Variants in NHSL1 observed in about 807,000 individuals in gnomAD.
NHSL1 encodes the protein NHS-like protein 1.
In NHSL1, 48 loss-of-function variants were observed where a neutral mutation model predicts 95.0. The observed-to-expected ratio is 0.51, with a 90% CI of 0.40 to 0.64. The LOEUF (loss-of-function observed/expected upper bound fraction) is 0.64, where lower values mean the gene tolerates loss of function less well. Among genes scored for constraint, NHSL1 ranks in the 30% least tolerant of loss-of-function variants. The pLI, the probability that NHSL1 is intolerant of heterozygous loss-of-function variation, is 0.00. For missense variants in NHSL1, 1,971 were observed against 2,077.7 expected, an observed-to-expected ratio of 0.95 and a Z score of 1.00; for synonymous variants, 783 against 833.9, an observed-to-expected ratio of 0.94 and a Z score of 1.05.
At chr6:138,575,126 C>T (rs920662013), upstream of NHSL1, among the ~76,000 whole-genome samples, 5 of 152,040 alleles carry the variant, frequency 3.3e-5, no homozygotes, top group Non-Finnish European at 7.4e-5. Flanking sequence ...CTCGAACTCC[C>T]AACCTCAGGT....
At chr6:138,597,458 C>A (rs1784317058) in intron 1 of NHSL1, among the ~76,000 whole-genome samples, 1 of 152,150 alleles carries the variant, frequency 6.6e-6, no homozygotes, top group Non-Finnish European at 1.5e-5. Context: ...GAACTTTAGT[C>A]CAAAATTCAA....
At chr6:138,661,604 G>T (rs1187370582) in intron 1 of NHSL1, among the ~76,000 whole-genome samples, 1 of 151,640 alleles carries the variant, frequency 6.6e-6, no homozygotes, top group African/African-American at 2.4e-5. Flanking sequence ...CAAGGCTGCA[G>T]TAAGCCATGA....
rs181097345 is a variant in NHSL1, at chr6:138,638,684, T to A, written c.96+53792A>T. The stretch of plus-strand genomic sequence containing the variant: ...CTGACCTGAGAAAATGAAACTTGGG[T>A]ACACTATTCCTGGGTACATTTGCAT... On this transcript the variant is annotated intron_variant, in intron 1 of 3. Transcript: ENST00000491526. Among the ~76,000 whole-genome samples the A allele has an allele frequency of 2.0e-5, 3 of 152,260 alleles. No homozygotes were observed. In the East Asian group the frequency reaches 5.8e-4, roughly 29 times the overall value.
At chr6:138,567,255 G>T (rs547734702) in intron 1 of NHSL1, among the ~76,000 whole-genome samples, 1 of 152,122 alleles carries the variant, frequency 6.6e-6, no homozygotes, top group Non-Finnish European at 1.5e-5. Context: ...AGCCTCCTGA[G>T]TAGCTGGAAC....
intron 1 of NHSL1, among the ~76,000 whole-genome samples, chr6:138,615,343 T>G (rs934538944): frequency 6.6e-6 from 1 of 152,256 alleles, no homozygotes; most frequent in African/African-American, 2.4e-5. Context: ...GAAATTATGA[T>G]TCTATTCATA....
intron 1 of NHSL1, among the ~76,000 whole-genome samples, chr6:138,562,999 C>T (rs1783471080): frequency 6.6e-6 from 1 of 152,192 alleles, no homozygotes; most frequent in African/African-American, 2.4e-5. Context: ...AGTATTTGCC[C>T]TTAAACCAAA....
chr6:138,558,208 C>T (rs111550122), intron 1 of NHSL1, among the ~76,000 whole-genome samples: 3,828 of 151,614 alleles, frequency 0.025, 148 homozygotes, highest in African/African-American at 0.087. Context: ...CTGCAACCTC[C>T]GCCTCCTGGA....
At chr6:138,455,330 G>A (rs1777511386) in intron 3 of NHSL1, among the ~76,000 whole-genome samples, 1 of 152,150 alleles carries the variant, frequency 6.6e-6, no homozygotes, top group Non-Finnish European at 1.5e-5. Flanking sequence ...AAAAAATTGA[G>A]TGAAGCATAC....
At chr6:138,687,586 T>C (rs1056243745) in intron 1 of NHSL1, among the ~76,000 whole-genome samples, 1 of 152,210 alleles carries the variant, frequency 6.6e-6, no homozygotes, top group Non-Finnish European at 1.5e-5. Context: ...AAGTAATAAG[T>C]GTGTATAATA....
intron 1 of NHSL1, among the ~76,000 whole-genome samples, chr6:138,625,497 T>C (rs933555604): frequency 4.6e-5 from 7 of 152,090 alleles, no homozygotes; most frequent in African/African-American, 1.7e-4. Flanking sequence ...GTCTAGAACT[T>C]ATCACCACTC....
chr6:138,458,853 A>AC (rs1554227405), intron 3 of NHSL1, among the ~76,000 whole-genome samples: 6 of 150,500 alleles, frequency 4.0e-5, no homozygotes, highest in African/African-American at 1.2e-4. Context: ...AAAAAAAAAA[A>AC]CCCAGAAAAA....
intron 1 of NHSL1, among the ~76,000 whole-genome samples, chr6:138,565,024 C>T (rs1217279891): frequency 6.6e-6 from 1 of 152,152 alleles, no homozygotes; most frequent in African/African-American, 2.4e-5. Flanking sequence ...CGTAAAGTTT[C>T]ACGCCATGTA....
chr6:138,436,853 G>A (rs928568641), intron 5 of NHSL1, among the ~76,000 whole-genome samples: 1 of 152,178 alleles, frequency 6.6e-6, no homozygotes, highest in East Asian at 1.9e-4. Context: ...GAGTCTGCCT[G>A]TGCTCTGTAA....
intron 5 of NHSL1, among the ~76,000 whole-genome samples, chr6:138,437,704 T>G (rs533329489): frequency 6.6e-6 from 1 of 152,262 alleles, no homozygotes; most frequent in African/African-American, 2.4e-5. Flanking sequence ...AGAACAATTT[T>G]AATTCATGGG....
chr6:138,424,330 G>A lies in NHSL1; in HGVS notation c.4572C>T (p.Val1524=), dbSNP rs1388097635. The A allele has an allele frequency of 6.5e-7, 1 of 1,535,172 alleles. No homozygotes were observed. Among genetic ancestry groups the A allele is most frequent in the Non-Finnish European group, 8.8e-7 (1 of 1,137,296 alleles). Residue 1524 remains valine (V), a synonymous_variant, in exon 8 of 8, where the codon GTC becomes GTT. Coordinates refer to ENST00000343505, the MANE Select transcript of NHSL1 (RefSeq NM_001144060.2). The surrounding 1 kb of genome is among the most constrained non-coding windows in gnomAD (Gnocchi z 5.9). The part of the protein sequence containing the change: ...RNRIQSSPMT[V]ISEGEGEAVE... ...CGGCTTCCCCTTCTCCCTCCGAGAT[G>A]ACGGTCATGGGGCTGCTCTGGATCC...
At chr6:138,644,951 C>G (rs775526458) in intron 1 of NHSL1, among the ~76,000 whole-genome samples, 17 of 152,182 alleles carry the variant, frequency 1.1e-4, no homozygotes, top group Non-Finnish European at 2.2e-4. Context: ...ACCTTGAATA[C>G]AGAGTCAATA....
At chr6:138,567,719 G>C (rs1388120091) in intron 1 of NHSL1, among the ~76,000 whole-genome samples, 2 of 152,184 alleles carry the variant, frequency 1.3e-5, no homozygotes, top group East Asian at 3.9e-4. Context: ...TACCCTTGAT[G>C]CCTAGTATGG....
At chr6:138,532,987 G>A (rs901719572) in intron 1 of NHSL1, among the ~76,000 whole-genome samples, 7 of 152,068 alleles carry the variant, frequency 4.6e-5, no homozygotes, top group African/African-American at 9.7e-5. Flanking sequence ...AAGTCCTTAC[G>A]GTAGCTAAGC....
chr6:138,483,372 GAT>G (rs1779539062), intron 2 of NHSL1, among the ~76,000 whole-genome samples: 1 of 152,228 alleles, frequency 6.6e-6, no homozygotes, highest in Non-Finnish European at 1.5e-5. Flanking sequence ...GAATTTAGCT[GAT>G]ATGGTACAGA....
Sources: allele counts gnomAD v4.1 joint callset (sites outside exome capture counted in the v4.1 genomes callset), GRCh38; gene constraint gnomAD v4.1.1; non-coding constraint Gnocchi (gnomAD v3.1); transcripts MANE v1.5; gene names NCBI Gene and HGNC (gene_info 2026-07-23, HGNC 2026-07-21).